The following ASMTL variants were observed in gnomAD, a reference collection of about 807,000 sequenced individuals.
ASMTL encodes the protein acetylserotonin O-methyltransferase like, also known as probable bifunctional dTTP/UTP pyrophosphatase/methyltransferase protein.
Under a neutral mutation model 60.3 loss-of-function variants are expected in ASMTL, and 57 were observed. That is an observed-to-expected ratio of 0.95 (90% CI 0.76 to 1.18). The LOEUF is 1.18. ASMTL is among the 50% of genes most tolerant of loss of function. ASMTL has a pLI of 0.00. For synonymous variants in ASMTL, 419 were observed against 373.0 expected (o/e 1.12, Z -1.42); for missense variants, 981 against 852.6 (o/e 1.15, Z -1.88).
intron 5 of ASMTL, among the ~76,000 whole-genome samples, chrX:1,434,794 CAA>C (rs35102054): frequency 0.21 from 24,857 of 117,310 alleles, 2,345 homozygotes; most frequent in Middle Eastern, 0.35. Context: ...GACTCCATCT[CAA>C]AAAAAAAAAA....
At chrX:1,411,932 CT>C (rs1358780976) in intron 12 of ASMTL, among the ~76,000 whole-genome samples, 38 of 151,056 alleles carry the variant, frequency 2.5e-4, no homozygotes, top group African/African-American at 9.0e-4. Flanking sequence ...CTGCCTCAGC[CT>C]CCTGAGTAGC....
intron 12 of ASMTL, among the ~76,000 whole-genome samples, chrX:1,407,496 A>G (rs1373127957): frequency 6.7e-6 from 1 of 149,680 alleles, no homozygotes; most frequent in Non-Finnish European, 1.5e-5. Flanking sequence ...CATGGATGAG[A>G]TGGATGGATG....
chrX:1,438,747 T>G (rs1238266659), intron 3 of ASMTL, among the ~76,000 whole-genome samples: 9 of 152,236 alleles, frequency 5.9e-5, no homozygotes, highest in Non-Finnish European at 1.3e-4. Flanking sequence ...ATTGATATCA[T>G]ATAGTATCAC....
chrX:1,433,523 A>AG (rs1292690665), intron 5 of ASMTL, among the ~76,000 whole-genome samples: 47 of 141,516 alleles, frequency 3.3e-4, no homozygotes, highest in African/African-American at 1.2e-3. Flanking sequence ...AAAAAAAAAA[A>AG]TAGAAAAAAT....
At chrX:1,414,720 T>C (rs4332311) in intron 11 of ASMTL, among the ~76,000 whole-genome samples, 145,970 of 152,114 alleles carry the variant, frequency 0.96, 70,213 homozygotes, top group East Asian at 1. Context: ...CATAAATAAA[T>C]TTCAGCATTT....
chrX:1,442,542 C>A (rs2091132183), intron 1 of ASMTL, among the ~76,000 whole-genome samples: 1 of 151,984 alleles, frequency 6.6e-6, no homozygotes, highest in East Asian at 1.9e-4. Context: ...GACCAGGGGC[C>A]TTCAGGGACT....
chrX:1,446,658 C>T (rs1204161097), intron 1 of ASMTL, among the ~76,000 whole-genome samples: 1 of 152,064 alleles, frequency 6.6e-6, no homozygotes, highest in African/African-American at 2.4e-5. Flanking sequence ...CGCCACCACG[C>T]CCGGCTAATT....
chrX:1,414,413 A>G (rs1484160917), intron 11 of ASMTL, among the ~76,000 whole-genome samples: 28 of 152,154 alleles, frequency 1.8e-4, no homozygotes, highest in Non-Finnish European at 8.8e-5. Context: ...TTCAGGGCTC[A>G]TGATTTTAAA....
intron 6 of ASMTL, 42 bp from the exon 7 acceptor site, chrX:1,428,163 A>T (rs1276775112): frequency 3.2e-6 from 5 of 1,564,408 alleles, no homozygotes; most frequent in Non-Finnish European, 4.3e-6. Flanking sequence ...AGGAGGAGAA[A>T]AGTTCCTGGG....
intron 11 of ASMTL, chrX:1,413,066 C>A (rs2090097674): frequency 1.7e-6 from 1 of 600,082 alleles, no homozygotes; most frequent in Non-Finnish European, 3.0e-6. Context: ...TGCGGTTTGA[C>A]TCGGGCTGAG....
rs750050321 is a variant in ASMTL, at chrX:1,418,974, C to T, written c.1378+8G>A. 1.5e-5 allele frequency: 24 copies of T among 1,611,462 alleles called. No homozygotes were observed. The highest frequency in any genetic ancestry group is 1.9e-5 in the Non-Finnish European group (23 of 1,179,802). On this transcript the variant is annotated splice_region_variant and intron_variant, in intron 10 of 12. Transcript: ENST00000381317. ...AGTAAGGAGAGCCCTGGCGGGGGGGCCACCCACCTCCCACGTCGCAGGCGG... is the reference window on the plus strand; with the variant it reads ...AGTAAGGAGAGCCCTGGCGGGGGGGTCACCCACCTCCCACGTCGCAGGCGG...
intron 3 of ASMTL, 108 bp downstream of exon 3, chrX:1,438,989 G>A: frequency 8.2e-7 from 1 of 1,215,174 alleles, no homozygotes; most frequent in African/African-American, 1.5e-5. Context: ...CTGGAAGCGA[G>A]TCCACTGCTG....
chrX:1,453,083 C>T (rs2091436442), upstream of ASMTL, among the ~76,000 whole-genome samples: 1 of 131,790 alleles, frequency 7.6e-6, no homozygotes, highest in Non-Finnish European at 1.5e-5. Context: ...ATTGCCCTCT[C>T]CACCAGGCCA....
In ASMTL at chrX:1,419,049, CTTCGT is replaced by C. The variant is rs2050760914; in HGVS notation, c.1306_1310del (p.Thr436AlafsTer35). 6.2e-7 allele frequency: 1 copy of C among 1,611,424 alleles called. No homozygotes were observed. The highest frequency in any genetic ancestry group is 1.1e-5 in the South Asian group (1 of 90,908). The stretch of plus-strand genomic sequence containing the variant: ...CCGTGGCCACCTGGCACGCAGTCAG[CTTCGT>C]CATGCCGTGCATGGCCCGCATGAAC... On this transcript the variant is annotated frameshift_variant, in exon 10 of 13. Coordinates refer to ENST00000381317, the MANE Select transcript of ASMTL (RefSeq NM_004192.4). LOFTEE classifies it high-confidence loss of function.
At chrX:1,448,860 A>ACCATCTTGGACACACACCG (rs1288028488) in intron 1 of ASMTL, among the ~76,000 whole-genome samples, 3 of 152,054 alleles carry the variant, frequency 2.0e-5, no homozygotes, top group Non-Finnish European at 2.9e-5. Flanking sequence ...GACACACACC[A>ACCATCTTGGACACACACCG]CCATCTTGGA....
chrX:1,435,627 G>A (rs186609439), intron 4 of ASMTL, 67 bp downstream of exon 4: 17 of 1,517,194 alleles, frequency 1.1e-5, no homozygotes, highest in Middle Eastern at 4.1e-4. Context: ...CAGGACACCC[G>A]GCCAGATACC....
At chrX:1,432,429 G>C (rs1202932781) in intron 5 of ASMTL, 52 bp from the exon 6 acceptor site, 1 of 1,409,400 alleles carries the variant, frequency 7.1e-7, no homozygotes, top group Non-Finnish European at 1.0e-6. Context: ...TGTCACCTCC[G>C]TGCCCTGACA....
chrX:1,434,981 C>G (rs780656774), intron 5 of ASMTL, 41 bp downstream of exon 5: 2 of 1,612,038 alleles, frequency 1.2e-6, no homozygotes, highest in African/African-American at 1.3e-5. Flanking sequence ...GGGTCCTTGT[C>G]TCGGCCTCTG....
At chrX:1,415,399 T>C (rs1443862888) in intron 11 of ASMTL, among the ~76,000 whole-genome samples, 1 of 150,886 alleles carries the variant, frequency 6.6e-6, no homozygotes, top group Non-Finnish European at 1.5e-5. Flanking sequence ...ACGTCTCGGC[T>C]ACTTGCACTG....
Sources: gnomAD v4.1 joint callset for allele counts (sites outside exome capture counted in the v4.1 genomes callset) on GRCh38, gnomAD v4.1.1 for gene constraint, MANE v1.5 for transcripts, NCBI Gene and HGNC (gene_info 2026-07-23, HGNC 2026-07-21) for gene names.